Variants in DLG2 observed in about 807,000 individuals in gnomAD.
DLG2 encodes the protein discs large MAGUK scaffold protein 2, also known as disks large homolog 2.
Under a neutral mutation model 132.5 loss-of-function variants are expected in DLG2, and 45 were observed. The observed-to-expected ratio is 0.34, with a 90% CI of 0.27 to 0.44. The LOEUF is 0.44. DLG2 is among the 20% of genes least tolerant of loss of function. The probability of loss-of-function intolerance (pLI) is 1.00; values close to 1 mark genes in which losing one functional copy is unlikely to be tolerated. For missense variants in DLG2, 1,045 were observed against 1,196.9 expected, an observed-to-expected ratio of 0.87 and a Z score of 1.87; for synonymous variants, 424 against 419.6, an observed-to-expected ratio of 1.01 and a Z score of -0.13.
rs192393263 is a variant in DLG2, at chr11:85,223,725, C to T, written c.186+61495G>A. On this transcript the variant is annotated intron_variant, in intron 4 of 27. Coordinates refer to ENST00000376104, the MANE Select transcript of DLG2 (RefSeq NM_001142699.3). ...AAGCCTTACTAAAACATCTGGACCA[C>T]CTCACTTTGGCCATCAAGAAAATTT... 3.0e-3 allele frequency among the ~76,000 whole-genome samples: 459 copies of T among 152,134 alleles called. 1 individual carries two copies. Among genetic ancestry groups the T allele is most frequent in the Admixed American group, 4.9e-3 (75 of 15,292 alleles).
chr11:83,767,926 C>T (rs1453844073), intron 18 of DLG2, among the ~76,000 whole-genome samples: 1 of 152,178 alleles, frequency 6.6e-6, no homozygotes, highest in Non-Finnish European at 1.5e-5. Flanking sequence ...GGTCATGCAG[C>T]TAGCCAAGTA....
intron 18 of DLG2, among the ~76,000 whole-genome samples, chr11:83,775,106 CG>C (rs2094533949): frequency 6.6e-6 from 1 of 152,316 alleles, no homozygotes; most frequent in African/African-American, 2.4e-5. Flanking sequence ...CCGCTACTGT[CG>C]GACTCCGTTC....
intron 19 of DLG2, among the ~76,000 whole-genome samples, chr11:83,577,563 T>TGA (rs1422295778): frequency 1.1e-5 from 1 of 94,230 alleles, no homozygotes; most frequent in Non-Finnish European, 1.9e-5. Context: ...TAATAGAATA[T>TGA]ATATATATAT....
At chr11:83,876,330 T>C (rs1157256805) in intron 15 of DLG2, among the ~76,000 whole-genome samples, 1 of 152,166 alleles carries the variant, frequency 6.6e-6, no homozygotes, top group Non-Finnish European at 1.5e-5. Flanking sequence ...CAAATAAGAA[T>C]AATTACTGTA....
chr11:83,546,539 T>A (rs1319947888), intron 19 of DLG2, among the ~76,000 whole-genome samples: 1 of 152,168 alleles, frequency 6.6e-6, no homozygotes, highest in Non-Finnish European at 1.5e-5. Flanking sequence ...TTCCTCTTTG[T>A]TATTATTTCT....
intron 18 of DLG2, among the ~76,000 whole-genome samples, chr11:83,653,719 A>G (rs1246293676): frequency 3.3e-5 from 5 of 152,144 alleles, no homozygotes; most frequent in Non-Finnish European, 7.4e-5. Context: ...AAGAGGTAGA[A>G]GTTAGATTTT....
chr11:85,419,793 G>A (rs2090149989), intron 3 of DLG2, among the ~76,000 whole-genome samples: 1 of 152,160 alleles, frequency 6.6e-6, no homozygotes, highest in South Asian at 2.1e-4. Context: ...GGTAATTTAT[G>A]TTATCCTCTC....
At chr11:85,189,552 C>A (rs1328021053) in intron 4 of DLG2, among the ~76,000 whole-genome samples, 1 of 152,058 alleles carries the variant, frequency 6.6e-6, no homozygotes, top group Non-Finnish European at 1.5e-5. Context: ...AAAACTATAG[C>A]AATGAGGAAG....
intron 8 of DLG2, among the ~76,000 whole-genome samples, chr11:84,213,242 G>A (rs1032379253): frequency 6.6e-6 from 1 of 152,074 alleles, no homozygotes; most frequent in Non-Finnish European, 1.5e-5. Context: ...CATACCCTTT[G>A]TAGTCATCTC....
intron 6 of DLG2, among the ~76,000 whole-genome samples, chr11:84,692,275 G>A (rs2058133876): frequency 6.6e-6 from 1 of 151,708 alleles, no homozygotes; most frequent in Non-Finnish European, 1.5e-5. Flanking sequence ...GGTATGCTAA[G>A]CATATTACCT....
chr11:84,059,174 T>C (rs2096551981), intron 11 of DLG2, 141 bp downstream of exon 11: 2 of 706,316 alleles, frequency 2.8e-6, no homozygotes, highest in South Asian at 2.1e-5. Context: ...TTACCCTTTG[T>C]AACCACTACT....
At chr11:84,539,838 G>T (rs112264724) in intron 6 of DLG2, among the ~76,000 whole-genome samples, 11,138 of 151,818 alleles carry the variant, frequency 0.073, 460 homozygotes, top group African/African-American at 0.1. Context: ...AAAACAGCAT[G>T]GTAGGTATAG....
chr11:84,749,711 T>C (rs1266962206), intron 6 of DLG2, among the ~76,000 whole-genome samples: 1 of 152,124 alleles, frequency 6.6e-6, no homozygotes, highest in Non-Finnish European at 1.5e-5. Context: ...GCTGTTTTTG[T>C]ACAATTTCTA....
At chr11:84,342,250 T>C (rs1364502396) in intron 7 of DLG2, among the ~76,000 whole-genome samples, 1 of 152,070 alleles carries the variant, frequency 6.6e-6, no homozygotes, top group African/African-American at 2.4e-5. Context: ...TGGGGAGAAA[T>C]GTGAATTCCA....
intron 16 of DLG2, among the ~76,000 whole-genome samples, chr11:83,865,313 A>G (rs2062113608): frequency 6.6e-6 from 1 of 152,112 alleles, no homozygotes. Flanking sequence ...GTCCTCTGTC[A>G]TATCTGTAGA....
intron 4 of DLG2, among the ~76,000 whole-genome samples, chr11:85,222,950 C>T (rs1044378937): frequency 1.3e-5 from 2 of 152,126 alleles, no homozygotes; most frequent in African/African-American, 4.8e-5. Context: ...CCCAGAATGC[C>T]TGGCATTAGT....
chr11:84,925,531 G>T (rs2092945280), intron 6 of DLG2, among the ~76,000 whole-genome samples: 1 of 152,126 alleles, frequency 6.6e-6, no homozygotes, highest in Non-Finnish European at 1.5e-5. Context: ...TTTTATAGAT[G>T]CAGGAAATGG....
intron 6 of DLG2, among the ~76,000 whole-genome samples, chr11:84,544,887 A>G (rs1007587458): frequency 2.6e-5 from 4 of 152,172 alleles, no homozygotes; most frequent in Non-Finnish European, 1.5e-5. Context: ...ACACAGCAAA[A>G]AGTCTTTGGT....
At chr11:83,590,668 C>T (rs1299526365) in intron 19 of DLG2, among the ~76,000 whole-genome samples, 6 of 152,070 alleles carry the variant, frequency 3.9e-5, no homozygotes, top group Non-Finnish European at 8.8e-5. Flanking sequence ...AATAGAGACA[C>T]CAAAAACCCT....
Sources: gnomAD v4.1 joint callset for allele counts (sites outside exome capture counted in the v4.1 genomes callset) on GRCh38, gnomAD v4.1.1 for gene constraint, MANE v1.5 for transcripts, NCBI Gene and HGNC (gene_info 2026-07-23, HGNC 2026-07-21) for gene names.